Variants in PHTF1 observed in about 807,000 individuals in gnomAD.
PHTF1 encodes the protein protein PHTF1.
PHTF1 carries 88 observed loss-of-function variants against 102.4 expected under a neutral mutation model. The observed-to-expected ratio is 0.86, with a 90% confidence interval of 0.72 to 1.03. The LOEUF is 1.03. PHTF1 is among the 50% of genes least tolerant of loss of function. The probability of loss-of-function intolerance (pLI) is 0.00; values close to 1 mark genes in which losing one functional copy is unlikely to be tolerated. For synonymous variants in PHTF1, 289 were observed against 305.2 expected (o/e 0.95, Z 0.55); for missense variants, 814 against 909.5 (o/e 0.89, Z 1.35).
At position 113,711,804 on chromosome 1, in the gene PHTF1, A is replaced by G. The variant is rs368428698; in HGVS notation, c.989T>C (p.Ile330Thr). ...AGCCAGACTATCTGAATCCCGCACA[A>G]TATGACACCACCTTGTAGTGGTTTT... ...VKKTTTRWCHIVRDSDSLAES... is the reference protein window; with the variant it reads ...VKKTTTRWCHTVRDSDSLAES... The change falls in exon 10 of 19, where the codon ATT becomes ACT. Residue 330 changes from isoleucine to threonine, a missense_variant. Ile to Thr is a moderately conservative substitution (Grantham distance 89, BLOSUM62 -1). Transcript: ENST00000369604. 6.5e-5 allele frequency: 105 copies of G among 1,613,972 alleles called. No homozygotes were observed. The highest frequency in any genetic ancestry group is 8.7e-5 in the Non-Finnish European group (103 of 1,179,962).
chr1:113,750,384 T>C (rs1657870883), intron 3 of PHTF1, among the ~76,000 whole-genome samples: 1 of 152,332 alleles, frequency 6.6e-6, no homozygotes, highest in East Asian at 1.9e-4. Flanking sequence ...TCTCTGTGCT[T>C]CTGATTAGCC....
At chr1:113,719,210 C>G (rs189352372) in intron 7 of PHTF1, among the ~76,000 whole-genome samples, 1 of 152,150 alleles carries the variant, frequency 6.6e-6, no homozygotes, top group African/African-American at 2.4e-5. Flanking sequence ...ACCATGTTGG[C>G]CAGATTGGTC....
chr1:113,716,984 A>G (rs1652148794), intron 7 of PHTF1, among the ~76,000 whole-genome samples: 1 of 152,230 alleles, frequency 6.6e-6, no homozygotes, highest in South Asian at 2.1e-4. Flanking sequence ...AGATGAACCA[A>G]CTTAAAAGAA....
chr1:113,711,715 T>C (rs2101175871), intron 10 of PHTF1, 31 bp downstream of exon 10: 3 of 1,530,706 alleles, frequency 2.0e-6, no homozygotes, highest in East Asian at 2.2e-5. Context: ...CCCTCAAAAA[T>C]ATACCTTGAT....
chr1:113,758,683 A>G lies in PHTF1; in HGVS notation c.21T>C (p.Asp7=). 6.2e-7 allele frequency: 1 copy of G among 1,608,026 alleles called. No homozygotes were observed. Among genetic ancestry groups the G allele is most frequent in the Non-Finnish European group, 8.5e-7 (1 of 1,175,488 alleles). The change falls in exon 2 of 19, where the codon GAT becomes GAC. Residue 7 remains aspartate, a synonymous_variant. Transcript: ENST00000369604. The stretch of plus-strand genomic sequence containing the variant: ...CCTTCTTTTGGTACCACGATATAGC[A>G]TCTCTCTCATTTGAGGCCATCTGTG... MASNER[D]AISWYQKKIG...
At chr1:113,754,720 T>C (rs1658588773) in intron 3 of PHTF1, among the ~76,000 whole-genome samples, 1 of 152,328 alleles carries the variant, frequency 6.6e-6, no homozygotes, top group African/African-American at 2.4e-5. Flanking sequence ...ATAATGTCTA[T>C]ATTTTTATTT....
chr1:113,717,000 C>T (rs1461995269), intron 7 of PHTF1, among the ~76,000 whole-genome samples: 1 of 152,106 alleles, frequency 6.6e-6, no homozygotes, highest in Non-Finnish European at 1.5e-5. Flanking sequence ...AAGAATACAA[C>T]ATTTCAAGAC....
At chr1:113,731,888 C>T (rs1037899797) in intron 5 of PHTF1, among the ~76,000 whole-genome samples, 5 of 139,448 alleles carry the variant, frequency 3.6e-5, no homozygotes, top group East Asian at 2.1e-4. Context: ...CAGAGCAAGA[C>T]GCCGTCTCAA....
At chr1:113,717,733 A>T (rs1234077421) in intron 7 of PHTF1, among the ~76,000 whole-genome samples, 1 of 152,182 alleles carries the variant, frequency 6.6e-6, no homozygotes, top group Non-Finnish European at 1.5e-5. Context: ...ATGAGGAAGA[A>T]GCAAAAGCGG....
intron 8 of PHTF1, 40 bp downstream of exon 8, chr1:113,713,239 T>C (rs1308108454): frequency 6.4e-7 from 1 of 1,561,644 alleles, no homozygotes; most frequent in East Asian, 2.2e-5. Context: ...AAATGTTACA[T>C]GGGGAAAAAA....
intron 3 of PHTF1, among the ~76,000 whole-genome samples, chr1:113,757,045 T>C (rs1035663769): frequency 1.1e-4 from 16 of 151,990 alleles, no homozygotes; most frequent in Admixed American, 7.2e-4. Context: ...TGGGCGCCTG[T>C]AGTCCCAGCT....
At chr1:113,719,403 A>C (rs746319889) in intron 7 of PHTF1, among the ~76,000 whole-genome samples, 30 of 152,124 alleles carry the variant, frequency 2.0e-4, no homozygotes, top group Non-Finnish European at 3.5e-4. Flanking sequence ...CACCCAAATC[A>C]CCTCTTTAAT....
At chr1:113,736,725 A>T (rs1003493642) in intron 5 of PHTF1, among the ~76,000 whole-genome samples, 1 of 152,200 alleles carries the variant, frequency 6.6e-6, no homozygotes, top group Non-Finnish European at 1.5e-5. Context: ...AGCCTGGGAA[A>T]AAAGAGCCAA....
intron 4 of PHTF1, 85 bp from the exon 5 acceptor site, chr1:113,738,353 G>A (rs1393623706): frequency 3.0e-6 from 3 of 1,000,332 alleles, no homozygotes. Context: ...AAAAATAGGT[G>A]AGTGCAAAAA....
chr1:113,706,811 T>A, intron 11 of PHTF1, 89 bp from the exon 12 acceptor site: 1 of 691,358 alleles, frequency 1.4e-6, no homozygotes, highest in Non-Finnish European at 2.4e-6. Context: ...TTGCCAACAC[T>A]CTAATAACCA....
At position 113,757,731 on chromosome 1, in the gene PHTF1, A is replaced by G. The variant is rs374838300; in HGVS notation, c.70T>C (p.Trp24Arg). The G allele has an allele frequency of 1.2e-5, 20 of 1,607,904 alleles. No individual in the cohort carries two copies. The highest frequency in any genetic ancestry group is 2.7e-5 in the African/African-American group (2 of 74,814). Residue 24 changes from tryptophan to arginine, a missense_variant, in exon 3 of 19, where the codon TGG becomes CGG. Coordinates refer to ENST00000369604, the MANE Select transcript of PHTF1 (RefSeq NM_001323043.2). ...TGAGTCTGTTCGATTGACTTTTCCCATATCTGCTGATCGTAGGCTCCAATC... is the reference window on the plus strand; with the variant it reads ...TGAGTCTGTTCGATTGACTTTTCCCGTATCTGCTGATCGTAGGCTCCAATC... The part of the protein sequence containing the change: ...KKIGAYDQQI[W>R]EKSIEQTQIK...
Position 113,699,737 on chromosome 1 carries a change from G to T in PHTF1, c.2109C>A (p.Asn703Lys). ...ACTTGGTGGACAGCTTTAATACATT[G>T]TTTACTAGAGTAAGCTGTTCTTTCT... ...PNKKEQLTLV[N>K]NVLKLSTKLL... Residue 703 changes from asparagine to lysine, a missense_variant, in exon 17 of 19, where the codon AAC becomes AAA. Transcript: ENST00000369604. 6.8e-7 allele frequency: 1 copy of T among 1,463,336 alleles called. No homozygotes were observed. The highest frequency in any genetic ancestry group is 9.5e-7 in the Non-Finnish European group (1 of 1,054,852). The allele number at this position is 1,463,336 out of a possible 1,614,324, so 90.6% of individuals were successfully genotyped here. A position where few individuals can be genotyped will look rare whatever the true frequency, so the allele number is the denominator to read the frequency against.
rs367738163 is a variant in PHTF1, at chr1:113,713,280, C to T, written c.782G>A (p.Arg261Lys). ...AKFSDGEKCRREAFRRLGNGV... is the reference protein window; with the variant it reads ...AKFSDGEKCRKEAFRRLGNGV... ...TTGTTAAATCCATCTAAATCTTACC[C>T]TACGGCACTTTTCTCCATCTGAAAA... Residue 261 changes from arginine to lysine, a missense_variant and splice_region_variant, in exon 8 of 19, where the codon AGG becomes AAG. Arg to Lys is a conservative substitution (Grantham distance 26). Coordinates refer to ENST00000369604, the MANE Select transcript of PHTF1 (RefSeq NM_001323043.2). 3 of 1,613,228 alleles carry T rather than the reference C, an allele frequency of 1.9e-6. No homozygotes were observed. Among genetic ancestry groups the T allele is most frequent in the Non-Finnish European group, 2.5e-6 (3 of 1,179,496 alleles).
At chr1:113,731,288 T>C (rs1306248247) in intron 5 of PHTF1, among the ~76,000 whole-genome samples, 4 of 151,526 alleles carry the variant, frequency 2.6e-5, no homozygotes, top group East Asian at 3.9e-4. Flanking sequence ...CTTTGGGAGG[T>C]TGAGGCAGGA....
Sources: allele counts gnomAD v4.1 joint callset (sites outside exome capture counted in the v4.1 genomes callset), GRCh38; gene constraint gnomAD v4.1.1; transcripts MANE v1.5; gene names NCBI Gene and HGNC (gene_info 2026-07-23, HGNC 2026-07-21).